Variants in ZSWIM5 observed in about 807,000 individuals in gnomAD.
ZSWIM5 encodes zinc finger SWIM domain-containing protein 5.
In ZSWIM5, 55 loss-of-function variants were observed where a neutral mutation model predicts 119.6. The ratio of observed to expected loss-of-function variants is 0.46; its 90% CI spans 0.37 to 0.58. ZSWIM5 has a LOEUF of 0.58. ZSWIM5 is among the 20% of genes least tolerant of loss of function. The pLI is 0.00. For missense variants in ZSWIM5, 1,193 were observed against 1,512.8 expected (o/e 0.79, Z 3.51); for synonymous variants, 537 against 606.9 (o/e 0.88, Z 1.69).
chr1:45,085,285 C>T (rs1396098473), intron 2 of ZSWIM5, among the ~76,000 whole-genome samples: 1 of 152,178 alleles, frequency 6.6e-6, no homozygotes, highest in African/African-American at 2.4e-5. Context: ...CCTATGAAAC[C>T]ATTCTTCCCT....
intron 1 of ZSWIM5, among the ~76,000 whole-genome samples, chr1:45,151,283 A>G (rs569126998): frequency 2.0e-4 from 30 of 152,136 alleles, no homozygotes; most frequent in African/African-American, 6.7e-4. Flanking sequence ...ACCTTTAAGT[A>G]TAAGTTCCAT....
intron 5 of ZSWIM5, among the ~76,000 whole-genome samples, chr1:45,044,473 C>A (rs985619914): frequency 2.0e-5 from 3 of 150,780 alleles, no homozygotes; most frequent in Non-Finnish European, 4.4e-5. Context: ...CCTGTAATCC[C>A]AGAGCTTTGG....
rs1176417551 is a variant in ZSWIM5 at position 45,019,460 on chromosome 1, G to A, written c.2696-144C>T. 1 of 1,092,232 alleles carries A rather than the reference G, an allele frequency of 9.2e-7. No individual in the cohort carries two copies. The highest frequency in any genetic ancestry group is 1.6e-5 in the African/African-American group (1 of 63,666). 67.7% of individuals were successfully genotyped at this position (1,092,232 alleles called of 1,614,324 possible). Reference sequence around the variant, plus strand: ...TTGAGATGATATGAGGCAAACCAGGGCAAGGGGAGCATCCCAGATGGCCAG... The same window carrying A: ...TTGAGATGATATGAGGCAAACCAGGACAAGGGGAGCATCCCAGATGGCCAG... On this transcript the variant is annotated intron_variant, in intron 13 of 13. Coordinates refer to ENST00000359600, the MANE Select transcript of ZSWIM5 (RefSeq NM_020883.2). The surrounding 1 kb of genome is among the most constrained non-coding windows in gnomAD (Gnocchi z 5.0).
intron 1 of ZSWIM5, among the ~76,000 whole-genome samples, chr1:45,179,582 C>A (rs553867322): frequency 1.3e-5 from 2 of 152,026 alleles, no homozygotes; most frequent in East Asian, 3.9e-4. Context: ...TGCACATGTG[C>A]CCCCCCAATT....
At chr1:45,159,726 T>C (rs1260535032) in intron 1 of ZSWIM5, among the ~76,000 whole-genome samples, 1 of 152,022 alleles carries the variant, frequency 6.6e-6, no homozygotes, top group Non-Finnish European at 1.5e-5. Context: ...GTAGCTGGGA[T>C]TACAGGTGCC....
At chr1:45,070,798 G>GT (rs1310734632) in intron 2 of ZSWIM5, among the ~76,000 whole-genome samples, 1 of 151,808 alleles carries the variant, frequency 6.6e-6, no homozygotes, top group Non-Finnish European at 1.5e-5. Flanking sequence ...TTCCTACATT[G>GT]GCTCCTCTTT....
intron 1 of ZSWIM5, among the ~76,000 whole-genome samples, chr1:45,154,979 G>A (rs773698546): frequency 1.3e-5 from 2 of 152,016 alleles, no homozygotes; most frequent in Non-Finnish European, 2.9e-5. Flanking sequence ...ACCCTTCCAG[G>A]CAAAGATTTC....
intron 1 of ZSWIM5, among the ~76,000 whole-genome samples, chr1:45,122,303 T>C (rs1483799635): frequency 6.6e-6 from 1 of 152,232 alleles, no homozygotes; most frequent in Non-Finnish European, 1.5e-5. Flanking sequence ...ATAATCTGCA[T>C]TTCATGTCAT....
chr1:45,143,238 C>A (rs1645738601), intron 1 of ZSWIM5, among the ~76,000 whole-genome samples: 2 of 147,954 alleles, frequency 1.4e-5, no homozygotes, highest in South Asian at 4.4e-4. Context: ...AACATAGACA[C>A]AAAAACTCTC....
chr1:45,098,027 T>A (rs1286939188), intron 1 of ZSWIM5, among the ~76,000 whole-genome samples: 1 of 152,000 alleles, frequency 6.6e-6, no homozygotes, highest in Non-Finnish European at 1.5e-5. Context: ...TAAGTAGGAA[T>A]TAATTAGGTG....
At chr1:45,128,844 G>T (rs1645637474) in intron 1 of ZSWIM5, among the ~76,000 whole-genome samples, 1 of 151,736 alleles carries the variant, frequency 6.6e-6, no homozygotes, top group Non-Finnish European at 1.5e-5. Flanking sequence ...TTTTTTTACT[G>T]TCTAAAGTTT....
At chr1:45,064,414 T>C in intron 2 of ZSWIM5, among the ~76,000 whole-genome samples, 1 of 152,178 alleles carries the variant, frequency 6.6e-6, no homozygotes, top group East Asian at 1.9e-4. Context: ...CAGCACTGAG[T>C]TAATATTTAT....
intron 5 of ZSWIM5, among the ~76,000 whole-genome samples, chr1:45,046,634 A>ATG (rs60762459): frequency 0.33 from 49,091 of 147,356 alleles, 9,272 homozygotes; most frequent in East Asian, 0.89. Context: ...TGGGCAAGAT[A>ATG]TGTGTGTGTG....
intron 1 of ZSWIM5, among the ~76,000 whole-genome samples, chr1:45,171,659 A>G (rs2149045442): frequency 6.6e-6 from 1 of 152,236 alleles, no homozygotes; most frequent in South Asian, 2.1e-4. Flanking sequence ...TATAATTATA[A>G]AGAAATAAAG....
At chr1:45,142,567 G>A (rs1645733995) in intron 1 of ZSWIM5, among the ~76,000 whole-genome samples, 1 of 151,938 alleles carries the variant, frequency 6.6e-6, no homozygotes, top group African/African-American at 2.4e-5. Context: ...TGCCCAGGCT[G>A]GTCTCAAACT....
chr1:45,101,662 C>T (rs1645440398), intron 1 of ZSWIM5, among the ~76,000 whole-genome samples: 1 of 152,166 alleles, frequency 6.6e-6, no homozygotes. Flanking sequence ...CAGTGATAGA[C>T]TGGATTAAGA....
chr1:45,061,199 C>T (rs1645150100), intron 2 of ZSWIM5, among the ~76,000 whole-genome samples: 1 of 152,150 alleles, frequency 6.6e-6, no homozygotes, highest in South Asian at 2.1e-4. Context: ...TCACCTATAG[C>T]ATAGTGCTGA....
chr1:45,065,155 G>T lies in ZSWIM5; in HGVS notation c.953-4908C>A, dbSNP rs1267721655. 2.6e-5 allele frequency among the ~76,000 whole-genome samples: 4 copies of T among 152,188 alleles called. No individual in the cohort carries two copies. The East Asian group carries it at 7.7e-4, about 29-fold the overall frequency. On this transcript the variant is annotated intron_variant, in intron 2 of 13. Coordinates refer to ENST00000359600, the MANE Select transcript of ZSWIM5 (RefSeq NM_020883.2). The stretch of plus-strand genomic sequence containing the variant: ...ATGGAGTCTAACTCCTAACAATTCT[G>T]GTTTTCAGGAGATCCATAGAGATAA...
At chr1:45,042,728 A>G (rs1204562127) in intron 6 of ZSWIM5, among the ~76,000 whole-genome samples, 1 of 152,250 alleles carries the variant, frequency 6.6e-6, no homozygotes, top group Non-Finnish European at 1.5e-5. Context: ...TAAACTCACA[A>G]TGAAACAGCT....
Sources: allele counts gnomAD v4.1 joint callset (sites outside exome capture counted in the v4.1 genomes callset), GRCh38; gene constraint gnomAD v4.1.1; non-coding constraint Gnocchi (gnomAD v3.1); transcripts MANE v1.5; gene names NCBI Gene and HGNC (gene_info 2026-07-23, HGNC 2026-07-21).